Variants in COL4A4 observed in about 807,000 individuals in gnomAD.
COL4A4 encodes the protein collagen type IV alpha 4 chain, also known as collagen alpha-4(IV) chain.
In COL4A4, 105 loss-of-function variants were observed where a neutral mutation model predicts 192.9. The ratio of observed to expected loss-of-function variants is 0.54; its 90% CI spans 0.46 to 0.64. COL4A4 has a LOEUF of 0.64. Ranked by LOEUF, COL4A4 falls within the 30% of genes least tolerant of loss-of-function variation. COL4A4 has a pLI of 0.00. For synonymous variants in COL4A4, 762 were observed against 769.9 expected, an observed-to-expected ratio of 0.99 and a Z score of 0.17; for missense variants, 1,967 against 2,169.3, an observed-to-expected ratio of 0.91 and a Z score of 1.85.
At chr2:227,063,478 T>A (rs1977658717) in intron 25 of COL4A4, among the ~76,000 whole-genome samples, 1 of 152,150 alleles carries the variant, frequency 6.6e-6, no homozygotes, top group African/African-American at 2.4e-5. Flanking sequence ...CTTGCTTGCC[T>A]TTCTGTTATC....
At chr2:227,078,383 C>A (rs1307367627) in intron 24 of COL4A4, among the ~76,000 whole-genome samples, 1 of 152,040 alleles carries the variant, frequency 6.6e-6, no homozygotes, top group Non-Finnish European at 1.5e-5. Context: ...GCTGGGATTA[C>A]AGGCACCCAC....
chr2:227,085,055 C>T (rs941682890), intron 22 of COL4A4, among the ~76,000 whole-genome samples: 1 of 151,552 alleles, frequency 6.6e-6, no homozygotes, highest in Non-Finnish European at 1.5e-5. Context: ...CGCCTGAACC[C>T]GGGAGGCAGA....
At chr2:227,061,199 G>C (rs1362929083) in intron 26 of COL4A4, among the ~76,000 whole-genome samples, 3 of 152,098 alleles carry the variant, frequency 2.0e-5, no homozygotes, top group Non-Finnish European at 4.4e-5. Context: ...ATCCACCCAT[G>C]ACCAGTAAAA....
At chr2:227,054,991 T>C (rs1219832124) in intron 30 of COL4A4, among the ~76,000 whole-genome samples, 2 of 152,090 alleles carry the variant, frequency 1.3e-5, no homozygotes, top group Non-Finnish European at 2.9e-5. Flanking sequence ...AGTTTCACCA[T>C]GTTGGCCAGG....
chr2:227,107,781 C>T (rs2060939291), intron 12 of COL4A4, among the ~76,000 whole-genome samples: 1 of 122,552 alleles, frequency 8.2e-6, no homozygotes. Context: ...TTTTTTGAGA[C>T]AGAGTCTTGC....
chr2:227,093,139 T>G (rs1326260132), intron 20 of COL4A4, among the ~76,000 whole-genome samples: 2 of 152,148 alleles, frequency 1.3e-5, no homozygotes, highest in Non-Finnish European at 2.9e-5. Context: ...ATGACCTAAA[T>G]AACTTCACCT....
At chr2:227,136,929 G>T (rs1455486200) in intron 4 of COL4A4, among the ~76,000 whole-genome samples, 3 of 152,050 alleles carry the variant, frequency 2.0e-5, no homozygotes, top group African/African-American at 7.3e-5. Context: ...AGCTCAGAAG[G>T]TTGGCCGGCT....
At chr2:227,127,892 G>C (rs1191171798) in intron 4 of COL4A4, among the ~76,000 whole-genome samples, 1 of 152,090 alleles carries the variant, frequency 6.6e-6, no homozygotes, top group African/African-American at 2.4e-5. Context: ...TGAACAAACA[G>C]GAAAGATGCT....
the COL4A4 span, among the ~76,000 whole-genome samples, chr2:226,980,459 G>A: frequency 6.6e-6 from 1 of 152,122 alleles, no homozygotes; most frequent in Admixed American, 6.6e-5. Flanking sequence ...TTAGCTCTTA[G>A]GAAAACCATT....
chr2:226,999,419 A>C (rs143346632), downstream of COL4A4, among the ~76,000 whole-genome samples: 1 of 152,302 alleles, frequency 6.6e-6, no homozygotes, highest in Non-Finnish European at 1.5e-5. Context: ...GACCTGGTAC[A>C]CAAAGCTCAA....
chr2:226,983,239 C>T, the COL4A4 span, among the ~76,000 whole-genome samples: 1 of 152,078 alleles, frequency 6.6e-6, no homozygotes, highest in African/African-American at 2.4e-5. Flanking sequence ...TCCATTAGAA[C>T]CCTAGAATCT....
intron 1 of COL4A4, among the ~76,000 whole-genome samples, chr2:227,154,765 G>C (rs1266500226): frequency 1.3e-5 from 2 of 152,190 alleles, no homozygotes; most frequent in African/African-American, 2.4e-5. Flanking sequence ...GGTCATGAAA[G>C]TGTTCCCAGA....
chr2:227,009,697 C>CAA (rs796950369), intron 46 of COL4A4, among the ~76,000 whole-genome samples: 2 of 86,522 alleles, frequency 2.3e-5, no homozygotes, highest in East Asian at 3.6e-4. Context: ...GACTCCATCT[C>CAA]AAAAAAAAAA....
At chr2:227,162,983 T>A (rs1279934566) in intron 1 of COL4A4, among the ~76,000 whole-genome samples, 2 of 152,220 alleles carry the variant, frequency 1.3e-5, no homozygotes, top group Non-Finnish European at 2.9e-5. Flanking sequence ...AAGATACCAA[T>A]AGATCCCAAA....
At chr2:227,013,126 T>G (rs1165989158) in intron 44 of COL4A4, among the ~76,000 whole-genome samples, 1 of 152,184 alleles carries the variant, frequency 6.6e-6, no homozygotes, top group Non-Finnish European at 1.5e-5. Flanking sequence ...TGTCAAGGCC[T>G]CAAATAATTA....
rs1433288876 is a variant in COL4A4 at position 227,004,487 on chromosome 2, A to C, written c.*2838T>G. On this transcript the variant is annotated 3_prime_UTR_variant, in exon 48 of 48. Coordinates refer to ENST00000396625, the MANE Select transcript of COL4A4 (RefSeq NM_000092.5). ...GACTTCATGGGCAGCGGAGTCACAGAAGGATTCTAATCCAGAGGGTGACAA... is the reference window on the plus strand; with the variant it reads ...GACTTCATGGGCAGCGGAGTCACAGCAGGATTCTAATCCAGAGGGTGACAA... 6.6e-6 allele frequency: 1 copy of C among 152,260 alleles called. No homozygotes were observed. The highest frequency in any genetic ancestry group is 1.5e-5 in the Non-Finnish European group (1 of 68,060). The allele number at this position is 152,260 out of a possible 1,614,324, so 9.4% of individuals were successfully genotyped here. A position where few individuals can be genotyped will look rare whatever the true frequency, so the allele number is the denominator to read the frequency against.
chr2:227,042,017 G>C, intron 37 of COL4A4, 131 bp downstream of exon 37: 2 of 744,668 alleles, frequency 2.7e-6, no homozygotes, highest in South Asian at 2.9e-5. Flanking sequence ...GTAGGAAGAT[G>C]CTAATGGCAC....
intron 46 of COL4A4, among the ~76,000 whole-genome samples, chr2:227,009,512 T>C (rs977212429): frequency 6.6e-6 from 1 of 152,006 alleles, no homozygotes; most frequent in African/African-American, 2.4e-5. Context: ...GAGACCTACC[T>C]GGCCGCAAGA....
At position 227,102,750 on chromosome 2, in the gene COL4A4, T is replaced by C. The variant is rs563518143; in HGVS notation, c.930+39A>G. 47 of 1,550,140 alleles carry C rather than the reference T, an allele frequency of 3.0e-5. No individual in the cohort carries two copies. In the South Asian group the frequency reaches 4.0e-4, roughly 13 times the overall value. On this transcript the variant is annotated intron_variant, in intron 15 of 47. Transcript: ENST00000396625. Reference sequence around the variant, plus strand: ...TTTATAAAAACATGAAAGAGAAATATCTCCAAATTCACTGATGTTAACAGC... The same window carrying C: ...TTTATAAAAACATGAAAGAGAAATACCTCCAAATTCACTGATGTTAACAGC...
Sources: gnomAD v4.1 joint callset for allele counts (sites outside exome capture counted in the v4.1 genomes callset) on GRCh38, gnomAD v4.1.1 for gene constraint, MANE v1.5 for transcripts, NCBI Gene and HGNC (gene_info 2026-07-23, HGNC 2026-07-21) for gene names.